Variants in SHISA9 observed in about 807,000 individuals in gnomAD.
SHISA9 encodes the protein shisa family member 9.
A neutral mutation model predicts 38.0 loss-of-function variants in SHISA9; 13 were observed. The ratio of observed to expected loss-of-function variants is 0.34; its 90% confidence interval spans 0.22 to 0.54. The LOEUF (loss-of-function observed/expected upper bound fraction) is 0.54. SHISA9 is among the 20% of genes least tolerant of loss of function. SHISA9 has a pLI of 0.91. For synonymous variants in SHISA9, 275 were observed against 242.0 expected (o/e 1.14, Z -1.27); for missense variants, 538 against 575.8 (o/e 0.93, Z 0.67).
intron 2 of SHISA9, among the ~76,000 whole-genome samples, chr16:13,135,501 A>G (rs2050341034): frequency 6.6e-6 from 1 of 152,204 alleles, no homozygotes; most frequent in African/African-American, 2.4e-5. Flanking sequence ...GAAGGAGGAC[A>G]ACCCCAATGG....
chr16:13,296,288 AG>A, the SHISA9 span, among the ~76,000 whole-genome samples: 1 of 151,926 alleles, frequency 6.6e-6, no homozygotes, highest in African/African-American at 2.4e-5. Flanking sequence ...GGATTTCTGA[AG>A]GTGGGAAAAT....
At chr16:13,201,238 G>A (rs2142052422) in intron 2 of SHISA9, among the ~76,000 whole-genome samples, 1 of 134,602 alleles carries the variant, frequency 7.4e-6, no homozygotes, top group Admixed American at 7.3e-5. Context: ...TTTGGTTTCA[G>A]GACCCTCCAA....
intron 2 of SHISA9, among the ~76,000 whole-genome samples, chr16:13,136,062 C>G (rs1007826261): frequency 1.3e-5 from 2 of 152,122 alleles, no homozygotes; most frequent in African/African-American, 4.8e-5. Flanking sequence ...GAAGCATATG[C>G]TATTCTGAAG....
the SHISA9 span, among the ~76,000 whole-genome samples, chr16:13,425,075 A>G: frequency 6.6e-6 from 1 of 152,262 alleles, no homozygotes; most frequent in East Asian, 1.9e-4. Context: ...GCTGGAGGCC[A>G]TTATCCTAAG....
intron 2 of SHISA9, among the ~76,000 whole-genome samples, chr16:12,928,314 T>TTGGTTG (rs1555501021): frequency 6.6e-6 from 1 of 150,934 alleles, no homozygotes; most frequent in East Asian, 2.0e-4. Flanking sequence ...CAGAGGTTGG[T>TTGGTTG]TGTGTGTGTG....
the SHISA9 span, among the ~76,000 whole-genome samples, chr16:13,519,404 G>A: frequency 8.5e-5 from 13 of 152,138 alleles, no homozygotes; most frequent in Admixed American, 3.3e-4. Flanking sequence ...ACAGCTCAAC[G>A]GGTGATGGGT....
chr16:13,125,737 C>A (rs2050250523), intron 2 of SHISA9, among the ~76,000 whole-genome samples: 1 of 152,176 alleles, frequency 6.6e-6, no homozygotes, highest in African/African-American at 2.4e-5. Context: ...ATACTTTATT[C>A]CCTCTACACA....
At chr16:13,260,576 C>T in the SHISA9 span, among the ~76,000 whole-genome samples, 1 of 152,130 alleles carries the variant, frequency 6.6e-6, no homozygotes, top group Non-Finnish European at 1.5e-5. Flanking sequence ...CCAAGAAGTT[C>T]ATCATCTCCA....
the SHISA9 span, among the ~76,000 whole-genome samples, chr16:13,252,018 A>G: frequency 6.6e-6 from 1 of 152,222 alleles, no homozygotes; most frequent in African/African-American, 2.4e-5. Flanking sequence ...AACAATGCAT[A>G]GTACACAGCA....
intron 2 of SHISA9, among the ~76,000 whole-genome samples, chr16:13,011,543 T>C (rs62027192): frequency 0.12 from 18,441 of 151,930 alleles, 1,206 homozygotes; most frequent in Middle Eastern, 0.17. Context: ...TTTTTTGGAG[T>C]TGGAGTCTTG....
chr16:13,024,391 A>T (rs1350681873), intron 2 of SHISA9, among the ~76,000 whole-genome samples: 1 of 152,246 alleles, frequency 6.6e-6, no homozygotes, highest in Non-Finnish European at 1.5e-5. Flanking sequence ...TGGACAGCCC[A>T]GTTGGCCCAG....
rs572712788 is a variant in SHISA9 at position 13,205,537 on chromosome 16, G to A, written c.847+1988G>A. Among the ~76,000 whole-genome samples, 191 of 152,272 alleles carry A rather than the reference G, an allele frequency of 1.3e-3. 1 individual carries two copies. Among genetic ancestry groups the A allele is most frequent in the African/African-American group, 4.5e-3 (185 of 41,556 alleles). On this transcript the variant is annotated intron_variant, in intron 3 of 4. Transcript: ENST00000558583. ...CTGCTTACCATCTGTGTAGCCTTGG[G>A]CAACATTTGGCCCCTTTTTAAGGTC...
the SHISA9 span, among the ~76,000 whole-genome samples, chr16:13,518,719 A>T: frequency 1.3e-5 from 2 of 152,324 alleles, no homozygotes; most frequent in East Asian, 3.9e-4. Context: ...ATGTATTGAA[A>T]TAATACTCTT....
At chr16:13,473,441 G>A in the SHISA9 span, among the ~76,000 whole-genome samples, 1,881 of 139,128 alleles carry the variant, frequency 0.014, 39 homozygotes, top group African/African-American at 0.048. Context: ...AAGCAGAACT[G>A]TGACTGATTT....
At chr16:13,255,666 C>A in the SHISA9 span, among the ~76,000 whole-genome samples, 1 of 152,186 alleles carries the variant, frequency 6.6e-6, no homozygotes, top group Non-Finnish European at 1.5e-5. Context: ...AAATTTCATG[C>A]TCTAAATATT....
At chr16:13,269,191 T>C in the SHISA9 span, among the ~76,000 whole-genome samples, 3 of 152,198 alleles carry the variant, frequency 2.0e-5, no homozygotes, top group Admixed American at 6.5e-5. Context: ...AGCAAAACAC[T>C]GTAGGGCTTT....
intron 2 of SHISA9, among the ~76,000 whole-genome samples, chr16:12,973,800 C>T (rs1393010671): frequency 1.3e-5 from 2 of 152,120 alleles, no homozygotes; most frequent in Non-Finnish European, 2.9e-5. Flanking sequence ...TGAATTGGGA[C>T]TTCAGAAGGC....
At chr16:13,027,844 T>G (rs1339400319) in intron 2 of SHISA9, among the ~76,000 whole-genome samples, 1 of 149,208 alleles carries the variant, frequency 6.7e-6, no homozygotes, top group African/African-American at 2.5e-5. Flanking sequence ...GTAGAATCAC[T>G]TGAACCCAGG....
At chr16:13,048,370 G>T (rs547653577) in intron 2 of SHISA9, among the ~76,000 whole-genome samples, 3 of 152,314 alleles carry the variant, frequency 2.0e-5, no homozygotes, top group East Asian at 3.9e-4. Flanking sequence ...GGCATCTCTT[G>T]ACTGTGCAAT....
Sources: allele counts gnomAD v4.1 joint callset (sites outside exome capture counted in the v4.1 genomes callset), GRCh38; gene constraint gnomAD v4.1.1; transcripts MANE v1.5; gene names NCBI Gene and HGNC (gene_info 2026-07-23, HGNC 2026-07-21).